GLIS3: variants seen among roughly 807,000 people sequenced by gnomAD.
GLIS3 encodes GLIS family zinc finger 3, also known as zinc finger protein GLIS3.
A neutral mutation model predicts 78.6 loss-of-function variants in GLIS3; 53 were observed. The observed-to-expected ratio is 0.67, with a 90% CI of 0.54 to 0.85. GLIS3 has a LOEUF of 0.85. Among genes scored for constraint, GLIS3 ranks in the 40% least tolerant of loss-of-function variants. The pLI is 0.00. For missense variants in GLIS3, 1,703 were observed against 1,231.1 expected, an observed-to-expected ratio of 1.38 and a Z score of -5.74; for synonymous variants, 684 against 509.9, an observed-to-expected ratio of 1.34 and a Z score of -4.60.
intron 2 of GLIS3, among the ~76,000 whole-genome samples, chr9:4,168,383 C>A (rs988486362): frequency 6.6e-6 from 1 of 152,058 alleles, no homozygotes; most frequent in East Asian, 1.9e-4. Flanking sequence ...TCCAAGAAAG[C>A]CCAAAGAAAT....
chr9:3,882,132 G>A (rs1274885269), intron 7 of GLIS3, among the ~76,000 whole-genome samples: 2 of 152,148 alleles, frequency 1.3e-5, no homozygotes, highest in Admixed American at 1.3e-4. Flanking sequence ...GCTAGGTCCT[G>A]GGACAGGAAA....
intron 3 of GLIS3, among the ~76,000 whole-genome samples, chr9:4,120,314 G>A (rs996792579): frequency 2.0e-5 from 3 of 152,184 alleles, no homozygotes; most frequent in African/African-American, 2.4e-5. Flanking sequence ...CATCATCAAC[G>A]AGATGTTACC....
chr9:4,162,670 C>T (rs575903143), intron 2 of GLIS3, among the ~76,000 whole-genome samples: 6 of 151,876 alleles, frequency 4.0e-5, no homozygotes, highest in African/African-American at 1.5e-4. Flanking sequence ...TCCTGGCTAA[C>T]ACGGTGAAAT....
chr9:4,402,018 G>A, the GLIS3 span, among the ~76,000 whole-genome samples: 1 of 152,116 alleles, frequency 6.6e-6, no homozygotes, highest in African/African-American at 2.4e-5. Flanking sequence ...TCCAATCCCT[G>A]GCTCCCAGAC....
chr9:3,989,271 G>A (rs767462230), intron 4 of GLIS3, among the ~76,000 whole-genome samples: 1 of 152,142 alleles, frequency 6.6e-6, no homozygotes, highest in South Asian at 2.1e-4. Flanking sequence ...AAGATGTGAA[G>A]AAACTGGATC....
At chr9:3,907,316 G>A (rs1224021181) in intron 6 of GLIS3, among the ~76,000 whole-genome samples, 3 of 152,160 alleles carry the variant, frequency 2.0e-5, no homozygotes, top group Admixed American at 6.5e-5. Context: ...ACTAACTGCC[G>A]ATTGGATTTC....
intron 2 of GLIS3, among the ~76,000 whole-genome samples, chr9:4,193,563 T>C (rs1818523144): frequency 6.6e-6 from 1 of 152,202 alleles, no homozygotes; most frequent in Non-Finnish European, 1.5e-5. Context: ...AGGTTAGTGG[T>C]AACAGGAATG....
At chr9:3,855,793 G>A (rs1299817705) in intron 9 of GLIS3, 1 of 577,660 alleles carries the variant, frequency 1.7e-6, no homozygotes, top group Non-Finnish European at 3.1e-6. Flanking sequence ...GAGCTGACCA[G>A]TGCGATGTGT....
At chr9:4,012,728 G>T (rs1822117323) in intron 4 of GLIS3, among the ~76,000 whole-genome samples, 1 of 144,490 alleles carries the variant, frequency 6.9e-6, no homozygotes, top group African/African-American at 2.5e-5. Flanking sequence ...TCACATCTTA[G>T]ATCTTCACAT....
At chr9:3,895,462 G>A (rs1317074581) in intron 7 of GLIS3, among the ~76,000 whole-genome samples, 1 of 152,176 alleles carries the variant, frequency 6.6e-6, no homozygotes, top group Admixed American at 6.5e-5. Context: ...GGGATTTTCA[G>A]AATAGTAGAC....
intron 4 of GLIS3, among the ~76,000 whole-genome samples, chr9:4,033,659 C>G (rs1303909239): frequency 6.6e-6 from 1 of 152,084 alleles, no homozygotes; most frequent in Non-Finnish European, 1.5e-5. Flanking sequence ...CAATCAAAAT[C>G]TCTAGGTGAT....
At chr9:3,863,438 G>T (rs140853624) in intron 8 of GLIS3, among the ~76,000 whole-genome samples, 3 of 151,916 alleles carry the variant, frequency 2.0e-5, no homozygotes, top group Non-Finnish European at 4.4e-5. Flanking sequence ...ACTGGGGCAG[G>T]ACTGGGGCAG....
At chr9:4,235,314 A>AAAAC (rs1554629696) in intron 2 of GLIS3, among the ~76,000 whole-genome samples, 3 of 151,354 alleles carry the variant, frequency 2.0e-5, no homozygotes, top group Non-Finnish European at 2.9e-5. Context: ...AAAAAAAAAA[A>AAAAC]AACTGATGGG....
the GLIS3 span, among the ~76,000 whole-genome samples, chr9:4,439,015 G>A: frequency 6.6e-6 from 1 of 152,072 alleles, no homozygotes; most frequent in Non-Finnish European, 1.5e-5. Context: ...ACAGACATGG[G>A]GTTATAATGT....
At chr9:4,076,800 C>T (rs989310794) in intron 4 of GLIS3, among the ~76,000 whole-genome samples, 41 of 152,196 alleles carry the variant, frequency 2.7e-4, no homozygotes, top group Non-Finnish European at 1.6e-4. Flanking sequence ...CTCACACCTG[C>T]AATCTCAGCA....
intron 2 of GLIS3, among the ~76,000 whole-genome samples, chr9:4,223,129 C>T (rs12337424): frequency 6.6e-6 from 1 of 152,140 alleles, no homozygotes; most frequent in African/African-American, 2.4e-5. Context: ...ATGAGATAAT[C>T]TGGTCCAAAT....
At chr9:4,381,062 T>C in the GLIS3 span, among the ~76,000 whole-genome samples, 1 of 152,004 alleles carries the variant, frequency 6.6e-6, no homozygotes, top group Non-Finnish European at 1.5e-5. Flanking sequence ...TAGGAGAAAT[T>C]CAGTAGTCAC....
At chr9:4,189,618 T>C (rs1217342522) in intron 2 of GLIS3, among the ~76,000 whole-genome samples, 2 of 152,292 alleles carry the variant, frequency 1.3e-5, no homozygotes, top group East Asian at 1.9e-4. Context: ...ATTATTATTG[T>C]GTGGGAGTCT....
chr9:4,384,502 C>T, the GLIS3 span, among the ~76,000 whole-genome samples: 1 of 146,668 alleles, frequency 6.8e-6, no homozygotes, highest in African/African-American at 2.5e-5. Context: ...CTCTCTCTTT[C>T]CCTCCCTTCC....
Sources: allele counts gnomAD v4.1 joint callset (sites outside exome capture counted in the v4.1 genomes callset), GRCh38; gene constraint gnomAD v4.1.1; transcripts MANE v1.5; gene names NCBI Gene and HGNC (gene_info 2026-07-23, HGNC 2026-07-21).